EXOC6B: variants seen among roughly 807,000 people sequenced by gnomAD.
EXOC6B encodes the protein SEC15 homolog B.
In EXOC6B, 54 loss-of-function variants were observed where a neutral mutation model predicts 113.5. The ratio of observed to expected loss-of-function variants is 0.48; its 90% CI spans 0.38 to 0.60. The LOEUF is 0.60. Among genes scored for constraint, EXOC6B ranks in the 20% least tolerant of loss-of-function variants. EXOC6B has a pLI of 0.00. For missense variants in EXOC6B, 797 were observed against 977.5 expected, an observed-to-expected ratio of 0.82 and a Z score of 2.46; for synonymous variants, 357 against 339.0, an observed-to-expected ratio of 1.05 and a Z score of -0.58.
rs148754452 is a variant in EXOC6B at position 72,548,967 on chromosome 2, G to A, written c.915+10486C>T. ...GCGGAGCTTGCAGTGAGCCAAGATC[G>A]CGCCACTGCACTCCAACCTGGGCGA... On this transcript the variant is annotated intron_variant, in intron 8 of 21. Transcript: ENST00000272427. 6.9e-3 allele frequency among the ~76,000 whole-genome samples: 1,049 copies of A among 152,022 alleles called. 10 individuals carry two copies. The highest frequency in any genetic ancestry group is 0.02 in the African/African-American group (840 of 41,484).
In EXOC6B at chr2:72,177,464, A is replaced by G. The variant is rs1010595591; in HGVS notation, c.*1871T>C. 1 of 152,228 alleles carries G rather than the reference A, an allele frequency of 6.6e-6. No individual in the cohort carries two copies. Among genetic ancestry groups the G allele is most frequent in the African/African-American group, 2.4e-5 (1 of 41,454 alleles). The allele number at this position is 152,228 out of a possible 1,614,324, so 9.4% of individuals were successfully genotyped here. ...TCGTTTCTCACTTGTTTCAACAAAGATGAGAGCTTGGCGATGCCATTTTGG... is the reference window on the plus strand; with the variant it reads ...TCGTTTCTCACTTGTTTCAACAAAGGTGAGAGCTTGGCGATGCCATTTTGG... On this transcript the variant is annotated 3_prime_UTR_variant, in exon 22 of 22. Coordinates refer to ENST00000272427, the MANE Select transcript of EXOC6B (RefSeq NM_015189.3).
At chr2:72,623,233 C>T (rs1266877780) in intron 6 of EXOC6B, among the ~76,000 whole-genome samples, 1 of 152,160 alleles carries the variant, frequency 6.6e-6, no homozygotes, top group Non-Finnish European at 1.5e-5. Flanking sequence ...GGGGTGTTCT[C>T]TTCCAAGGTC....
At chr2:72,637,947 T>C (rs1316515884) in intron 6 of EXOC6B, among the ~76,000 whole-genome samples, 1 of 151,984 alleles carries the variant, frequency 6.6e-6, no homozygotes, top group Admixed American at 6.6e-5. Context: ...CCATGCATCT[T>C]AACCAGAAAA....
intron 18 of EXOC6B, among the ~76,000 whole-genome samples, chr2:72,380,455 C>A (rs1010238427): frequency 1.3e-5 from 2 of 151,990 alleles, no homozygotes; most frequent in African/African-American, 4.8e-5. Context: ...CTGGCTAACA[C>A]GGTGAAACCC....
At chr2:72,637,470 G>A (rs1672926485) in intron 6 of EXOC6B, among the ~76,000 whole-genome samples, 1 of 152,128 alleles carries the variant, frequency 6.6e-6, no homozygotes, top group Non-Finnish European at 1.5e-5. Flanking sequence ...AGTGGGCAAA[G>A]GACATGAACA....
intron 21 of EXOC6B, 40 bp from the exon 22 acceptor site, chr2:72,179,501 G>C: frequency 6.2e-7 from 1 of 1,612,630 alleles, no homozygotes; most frequent in Non-Finnish European, 8.5e-7. Context: ...CATGTTTGAG[G>C]AAACAATGGT....
chr2:72,618,342 C>A (rs1671532306), intron 6 of EXOC6B, among the ~76,000 whole-genome samples: 1 of 151,968 alleles, frequency 6.6e-6, no homozygotes, highest in Non-Finnish European at 1.5e-5. Flanking sequence ...GCACTCCAGC[C>A]TGGGTGACGA....
chr2:72,506,607 C>A (rs1180139067), intron 11 of EXOC6B, among the ~76,000 whole-genome samples: 1 of 152,146 alleles, frequency 6.6e-6, no homozygotes, highest in African/African-American at 2.4e-5. Flanking sequence ...ATATAAAATA[C>A]AGCATTTCCA....
At chr2:72,496,631 G>A (rs1700050534) in intron 13 of EXOC6B, 72 bp from the exon 14 acceptor site, 2 of 870,466 alleles carry the variant, frequency 2.3e-6, no homozygotes, top group Non-Finnish European at 3.8e-6. Context: ...GGGAACAGAG[G>A]GAAGGTGGGT....
At chr2:72,271,539 GGAA>G (rs953426696) in intron 20 of EXOC6B, among the ~76,000 whole-genome samples, 38 of 151,928 alleles carry the variant, frequency 2.5e-4, no homozygotes, top group African/African-American at 6.5e-4. Flanking sequence ...AAGGTAGGGA[GGAA>G]GAAGAAGGGG....
At chr2:72,517,742 T>C (rs1701288899) in intron 8 of EXOC6B, among the ~76,000 whole-genome samples, 1 of 152,188 alleles carries the variant, frequency 6.6e-6, no homozygotes, top group African/African-American at 2.4e-5. Context: ...CAAGACACAC[T>C]TACTTGAGAA....
intron 20 of EXOC6B, among the ~76,000 whole-genome samples, chr2:72,262,367 C>G (rs1683784000): frequency 6.6e-6 from 1 of 151,738 alleles, no homozygotes; most frequent in Non-Finnish European, 1.5e-5. Context: ...ATACTATAGC[C>G]CAGACAGGTT....
At chr2:72,446,977 G>A (rs1443032817) in intron 18 of EXOC6B, among the ~76,000 whole-genome samples, 1 of 151,904 alleles carries the variant, frequency 6.6e-6, no homozygotes. Context: ...TGGTGCACAT[G>A]TCTGTAATCC....
chr2:72,581,464 C>T (rs1051114655), intron 6 of EXOC6B, among the ~76,000 whole-genome samples: 16 of 152,178 alleles, frequency 1.1e-4, no homozygotes, highest in Admixed American at 4.6e-4. Context: ...TATTTTAAAA[C>T]AAATAAATAG....
chr2:72,617,593 G>A (rs1234748846), intron 6 of EXOC6B, among the ~76,000 whole-genome samples: 1 of 129,844 alleles, frequency 7.7e-6, no homozygotes, highest in Non-Finnish European at 1.5e-5. Context: ...CGCGATCTCA[G>A]CTCACTGAAA....
At chr2:72,714,725 T>C (rs1679494842) in intron 6 of EXOC6B, among the ~76,000 whole-genome samples, 1 of 152,150 alleles carries the variant, frequency 6.6e-6, no homozygotes. Context: ...CCACCCACTG[T>C]TTCACATCAC....
chr2:72,786,360 T>C (rs1216844649), intron 1 of EXOC6B, among the ~76,000 whole-genome samples: 1 of 152,190 alleles, frequency 6.6e-6, no homozygotes, highest in African/African-American at 2.4e-5. Flanking sequence ...GCACTTACAT[T>C]CCAGATACTG....
chr2:72,479,918 C>T (rs1479600477), intron 17 of EXOC6B, among the ~76,000 whole-genome samples: 2 of 152,096 alleles, frequency 1.3e-5, no homozygotes, highest in South Asian at 2.1e-4. Context: ...AAATTGATCA[C>T]AGGGCCGGGT....
chr2:72,816,228 C>A (rs1161064521), intron 1 of EXOC6B, among the ~76,000 whole-genome samples: 2 of 151,824 alleles, frequency 1.3e-5, no homozygotes, highest in Non-Finnish European at 1.5e-5. Context: ...TCCCTTCCTG[C>A]ATTATTTTTT....
Sources: allele counts gnomAD v4.1 joint callset (sites outside exome capture counted in the v4.1 genomes callset), GRCh38; gene constraint gnomAD v4.1.1; transcripts MANE v1.5; gene names NCBI Gene and HGNC (gene_info 2026-07-23, HGNC 2026-07-21).